Variants in CNTNAP5 observed in about 807,000 individuals in gnomAD.
CNTNAP5 encodes contactin associated protein family member 5, also known as contactin-associated protein-like 5.
Under a neutral mutation model 150.2 loss-of-function variants are expected in CNTNAP5, and 72 were observed. That is an observed-to-expected ratio of 0.48 (90% CI 0.40 to 0.58). The LOEUF (loss-of-function observed/expected upper bound fraction) is 0.58. Ranked by LOEUF, CNTNAP5 falls within the 20% of genes least tolerant of loss-of-function variation. The pLI, the probability that CNTNAP5 is intolerant of heterozygous loss-of-function variation, is 0.00. For synonymous variants in CNTNAP5, 672 were observed against 619.8 expected (o/e 1.08, Z -1.25); for missense variants, 1,636 against 1,626.2 (o/e 1.01, Z -0.10).
At chr2:124,772,643 G>A (rs1033408481) in intron 16 of CNTNAP5, among the ~76,000 whole-genome samples, 156 bp from the exon 17 acceptor site, 2 of 152,062 alleles carry the variant, frequency 1.3e-5, no homozygotes, top group Non-Finnish European at 2.9e-5. Context: ...TAATTTGGTA[G>A]CTGTTACTAT....
intron 13 of CNTNAP5, among the ~76,000 whole-genome samples, chr2:124,662,718 G>T (rs1171449224): frequency 1.3e-5 from 2 of 152,148 alleles, no homozygotes; most frequent in East Asian, 3.8e-4. Flanking sequence ...AAATACTTTT[G>T]CTCTATGTGA....
intron 3 of CNTNAP5, among the ~76,000 whole-genome samples, chr2:124,316,696 T>C (rs145924184): frequency 6.7e-6 from 1 of 148,938 alleles, no homozygotes; most frequent in East Asian, 2.0e-4. Context: ...TCCCAGCTAC[T>C]CTGGACGCTG....
At chr2:124,776,120 C>T (rs1681316739) in intron 17 of CNTNAP5, among the ~76,000 whole-genome samples, 1 of 152,258 alleles carries the variant, frequency 6.6e-6, no homozygotes, top group South Asian at 2.1e-4. Context: ...CAGTCATGCC[C>T]ATGTGTACGT....
Position 124,789,946 on chromosome 2 carries a change from T to A in CNTNAP5, c.2797T>A (p.Ser933Thr). 1.2e-6 allele frequency: 2 copies of A among 1,613,882 alleles called. No individual in the cohort carries two copies. Among genetic ancestry groups the A allele is most frequent in the Non-Finnish European group, 1.7e-6 (2 of 1,179,804 alleles). The change falls in exon 18 of 24, where the codon TCC (serine) becomes ACC (threonine). Residue 933 changes from serine (S) to threonine (T), a missense_variant. Ser to Thr is a moderately conservative substitution (Grantham distance 58, BLOSUM62 1). Coordinates refer to ENST00000682447, the MANE Select transcript of CNTNAP5 (RefSeq NM_001367498.1). ...RQKGFLGCIR[S>T]LHLNGQKMDL... ...GAAAGGCTTCCTAGGATGCATTCGC[T>A]CCTTACACTTGAATGGACAGAAAAT...
intron 13 of CNTNAP5, among the ~76,000 whole-genome samples, chr2:124,720,278 G>A (rs912405009): frequency 1.5e-4 from 23 of 152,044 alleles, no homozygotes; most frequent in East Asian, 3.9e-4. Flanking sequence ...AGTTGTTTTC[G>A]GTATGTAACT....
chr2:124,188,716 C>CAAAA lies in CNTNAP5; in HGVS notation c.83-32970_83-32967dup, dbSNP rs70996047. Among the ~76,000 whole-genome samples, 42 of 73,010 alleles carry CAAAA rather than the reference C, an allele frequency of 5.8e-4. 1 individual carries two copies. The highest frequency in any genetic ancestry group is 1.0e-3 in the African/African-American group (17 of 16,498). 47.9% of individuals were successfully genotyped at this position (73,010 alleles called of 152,430 possible). A position where few individuals can be genotyped will look rare whatever the true frequency, so the allele number is the denominator to read the frequency against. ...CCTGGGTGACAGCGAGACTCTGTCTCAAAAAAAAAAAAAAAAAAAAAAGAC... is the reference window on the plus strand; with the variant it reads ...CCTGGGTGACAGCGAGACTCTGTCTCAAAAAAAAAAAAAAAAAAAAAAAAAAGAC... On this transcript the variant is annotated intron_variant, in intron 1 of 23. Transcript: ENST00000682447.
At chr2:124,824,226 C>T (rs2104672654) in intron 19 of CNTNAP5, among the ~76,000 whole-genome samples, 1 of 152,052 alleles carries the variant, frequency 6.6e-6, no homozygotes, top group East Asian at 1.9e-4. Context: ...CCCTTATGTT[C>T]TTTTAGATGA....
chr2:124,168,008 C>T (rs879536850), intron 1 of CNTNAP5, among the ~76,000 whole-genome samples: 1 of 152,082 alleles, frequency 6.6e-6, no homozygotes, highest in Non-Finnish European at 1.5e-5. Flanking sequence ...ATGTATGACC[C>T]AGGATAAGTC....
At chr2:124,344,140 CAA>C (rs1374511165) in intron 3 of CNTNAP5, among the ~76,000 whole-genome samples, 1 of 152,104 alleles carries the variant, frequency 6.6e-6, no homozygotes, top group Admixed American at 6.5e-5. Context: ...GATCGAATTT[CAA>C]AAAGAGTTTT....
chr2:124,843,374 T>A (rs1313095427), intron 19 of CNTNAP5, among the ~76,000 whole-genome samples: 1 of 152,020 alleles, frequency 6.6e-6, no homozygotes, highest in Non-Finnish European at 1.5e-5. Context: ...TTTCATATAA[T>A]GACTTTTTAT....
At chr2:124,710,295 C>CT (rs1453261906) in intron 13 of CNTNAP5, among the ~76,000 whole-genome samples, 2 of 152,152 alleles carry the variant, frequency 1.3e-5, no homozygotes, top group African/African-American at 4.8e-5. Context: ...ATTAAAAGCA[C>CT]TGTATGGGCA....
chr2:124,602,637 G>C (rs572236670), intron 11 of CNTNAP5, among the ~76,000 whole-genome samples: 1 of 151,954 alleles, frequency 6.6e-6, no homozygotes, highest in Non-Finnish European at 1.5e-5. Flanking sequence ...GAGACTATAG[G>C]CACAAGCTAC....
chr2:124,702,371 T>G (rs1679541346), intron 13 of CNTNAP5, among the ~76,000 whole-genome samples: 10 of 69,208 alleles, frequency 1.4e-4, no homozygotes, highest in African/African-American at 6.8e-4. Context: ...TTTTTTTTTT[T>G]TTTTTTTTTT....
At chr2:124,695,689 G>C (rs1288397894) in intron 13 of CNTNAP5, among the ~76,000 whole-genome samples, 2 of 152,174 alleles carry the variant, frequency 1.3e-5, no homozygotes, top group Non-Finnish European at 2.9e-5. Flanking sequence ...AATCTGGTCA[G>C]CTGAAGCAGC....
At chr2:124,175,609 T>G (rs1222204196) in intron 1 of CNTNAP5, among the ~76,000 whole-genome samples, 1 of 152,104 alleles carries the variant, frequency 6.6e-6, no homozygotes, top group African/African-American at 2.4e-5. Context: ...GTAGTCCCCA[T>G]TCTCTATTGT....
intron 1 of CNTNAP5, among the ~76,000 whole-genome samples, chr2:124,160,042 C>G (rs1163830523): frequency 6.6e-6 from 1 of 152,142 alleles, no homozygotes; most frequent in African/African-American, 2.4e-5. Context: ...AACAGACTCT[C>G]TCTTATTATA....
chr2:124,679,080 T>C (rs2105066564), intron 13 of CNTNAP5, among the ~76,000 whole-genome samples: 1 of 151,942 alleles, frequency 6.6e-6, no homozygotes, highest in African/African-American at 2.4e-5. Context: ...TCTTCTTTAT[T>C]AGAGGGATGA....
intron 13 of CNTNAP5, among the ~76,000 whole-genome samples, chr2:124,741,239 C>T (rs1039451652): frequency 1.3e-5 from 2 of 152,246 alleles, no homozygotes; most frequent in Admixed American, 1.3e-4. Flanking sequence ...CTCAACAGAG[C>T]ACAGTCTGTA....
intron 21 of CNTNAP5, among the ~76,000 whole-genome samples, chr2:124,891,974 C>T (rs115638458): frequency 1.4e-4 from 22 of 152,144 alleles, no homozygotes; most frequent in African/African-American, 5.1e-4. Context: ...CTCCCTGGAA[C>T]ATAGGGGTGA....
Sources: allele counts gnomAD v4.1 joint callset (sites outside exome capture counted in the v4.1 genomes callset), GRCh38; gene constraint gnomAD v4.1.1; transcripts MANE v1.5; gene names NCBI Gene and HGNC (gene_info 2026-07-23, HGNC 2026-07-21).